The following BABAM2 variants were observed in gnomAD, a reference collection of about 807,000 sequenced individuals.
BABAM2 encodes BRISC and BRCA1-A complex member 2.
Under a neutral mutation model 54.7 loss-of-function variants are expected in BABAM2, and 31 were observed. The ratio of observed to expected loss-of-function variants is 0.57; its 90% CI spans 0.43 to 0.77. The LOEUF (loss-of-function observed/expected upper bound fraction) is 0.77. Ranked by LOEUF, BABAM2 falls within the 30% of genes least tolerant of loss-of-function variation. BABAM2 has a pLI of 0.00. For missense variants in BABAM2, 364 were observed against 455.8 expected, an observed-to-expected ratio of 0.80 and a Z score of 1.83; for synonymous variants, 167 against 162.9, an observed-to-expected ratio of 1.03 and a Z score of -0.19.
chr2:28,328,620 T>C (rs1261185098), intron 11 of BABAM2, among the ~76,000 whole-genome samples: 1 of 152,214 alleles, frequency 6.6e-6, no homozygotes, highest in African/African-American at 2.4e-5. Context: ...TGTTAGGCTC[T>C]TGCCAAATAA....
intron 6 of BABAM2, among the ~76,000 whole-genome samples, chr2:28,075,579 CGTGT>C (rs1296106301): frequency 6.9e-6 from 1 of 144,208 alleles, no homozygotes; most frequent in Non-Finnish European, 1.5e-5. Context: ...TGTGTGTGTG[CGTGT>C]GTGTGTGCAT....
At chr2:28,229,368 A>G (rs1292291017) in intron 7 of BABAM2, among the ~76,000 whole-genome samples, 1 of 152,192 alleles carries the variant, frequency 6.6e-6, no homozygotes, top group Admixed American at 6.5e-5. Flanking sequence ...TCATAGGTTG[A>G]TATGAAGAAT....
intron 7 of BABAM2, among the ~76,000 whole-genome samples, chr2:28,151,735 A>C (rs1167618347): frequency 6.6e-6 from 1 of 152,208 alleles, no homozygotes; most frequent in African/African-American, 2.4e-5. Flanking sequence ...CTTTGATAAC[A>C]TTTGGTCCCT....
At chr2:28,268,321 G>T (rs1685153352) in intron 10 of BABAM2, among the ~76,000 whole-genome samples, 1 of 152,114 alleles carries the variant, frequency 6.6e-6, no homozygotes, top group African/African-American at 2.4e-5. Flanking sequence ...AAAAATGAAG[G>T]AGTGATAAAC....
At chr2:28,292,833 A>G (rs1049445505) in intron 10 of BABAM2, among the ~76,000 whole-genome samples, 1 of 152,224 alleles carries the variant, frequency 6.6e-6, no homozygotes, top group African/African-American at 2.4e-5. Flanking sequence ...AGTGATATCC[A>G]GCACTGTCAG....
intron 11 of BABAM2, among the ~76,000 whole-genome samples, chr2:28,333,309 C>T (rs1691125781): frequency 6.6e-6 from 1 of 152,174 alleles, no homozygotes; most frequent in East Asian, 1.9e-4. Context: ...GTCCGCCTGG[C>T]TCCAGAGCCT....
intron 2 of BABAM2, 97 bp from the exon 3 acceptor site, chr2:27,929,735 A>T: frequency 9.1e-7 from 1 of 1,100,638 alleles, no homozygotes; most frequent in Non-Finnish European, 1.3e-6. Flanking sequence ...TCTGTTTTGT[A>T]TAAAGATCCT....
At chr2:27,976,438 A>G (rs1671609885) in intron 3 of BABAM2, among the ~76,000 whole-genome samples, 2 of 152,160 alleles carry the variant, frequency 1.3e-5, no homozygotes, top group Non-Finnish European at 2.9e-5. Context: ...ATGCTAAGTG[A>G]AAGAAGAAGC....
chr2:28,307,751 A>G (rs1688687770), intron 11 of BABAM2: 1 of 152,224 alleles, frequency 6.6e-6, no homozygotes, highest in Non-Finnish European at 1.5e-5. Context: ...AAAAAAAGAA[A>G]AATTACCTTC....
chr2:28,250,584 C>CTTTTTTTTTTTTTTTTTTTT (rs34597279), intron 10 of BABAM2, among the ~76,000 whole-genome samples: 4 of 137,016 alleles, frequency 2.9e-5, no homozygotes, highest in African/African-American at 5.3e-5. Flanking sequence ...ATATTTTTTT[C>CTTTTTTTTTTTTTTTTTTTT]TTTTTTTTTT....
At chr2:28,313,664 C>A (rs559469576) in intron 11 of BABAM2, among the ~76,000 whole-genome samples, 1 of 152,266 alleles carries the variant, frequency 6.6e-6, no homozygotes, top group African/African-American at 2.4e-5. Flanking sequence ...CTAGTTGATC[C>A]AGAAGCAACT....
intron 4 of BABAM2, among the ~76,000 whole-genome samples, chr2:28,001,975 T>C (rs1048914525): frequency 4.0e-5 from 6 of 150,416 alleles, no homozygotes; most frequent in Non-Finnish European, 7.4e-5. Flanking sequence ...GAAGAAGAAA[T>C]TACTTCAGGA....
chr2:28,334,844 TCTC>T (rs898874665), intron 11 of BABAM2, among the ~76,000 whole-genome samples: 15 of 152,100 alleles, frequency 9.9e-5, no homozygotes, highest in Middle Eastern at 6.3e-3. Context: ...GCCCAGGGCT[TCTC>T]CTGCCCTGCC....
intron 10 of BABAM2, among the ~76,000 whole-genome samples, chr2:28,282,678 T>C (rs1458541036): frequency 6.6e-6 from 1 of 152,144 alleles, no homozygotes; most frequent in Non-Finnish European, 1.5e-5. Context: ...CAATAAATGC[T>C]GATTTTCCTC....
chr2:28,314,226 A>G (rs1256989481), intron 11 of BABAM2, among the ~76,000 whole-genome samples: 1 of 152,206 alleles, frequency 6.6e-6, no homozygotes, highest in Non-Finnish European at 1.5e-5. Flanking sequence ...AATTTCTGTA[A>G]TTCTCGTAAC....
chr2:28,258,615 C>CTTTTTTTTTTTTTTTTTTT lies in BABAM2; in HGVS notation c.934+13769_934+13770insTTTTTTTTTTTTTTTTTTT, dbSNP rs70956008. Among the ~76,000 whole-genome samples the CTTTTTTTTTTTTTTTTTTT allele has an allele frequency of 6.6e-3, 663 of 99,876 alleles. 9 individuals are homozygous for CTTTTTTTTTTTTTTTTTTT. The highest frequency in any genetic ancestry group is 0.013 in the East Asian group (42 of 3,324). The allele number at this position is 99,876 out of a possible 152,430, so 65.5% of individuals were successfully genotyped here. A position where few individuals can be genotyped will look rare whatever the true frequency, so the allele number is the denominator to read the frequency against. ...CTTAAGTCTTTTTCTTTTTTCTTTT[C>CTTTTTTTTTTTTTTTTTTT]TTTTTTTTTTTTTTTTGAGACAGGA... On this transcript the variant is annotated intron_variant, in intron 10 of 11. Transcript: ENST00000379624.
chr2:28,222,194 T>C (rs1680479935), intron 7 of BABAM2, among the ~76,000 whole-genome samples: 2 of 152,004 alleles, frequency 1.3e-5, no homozygotes, highest in Non-Finnish European at 2.9e-5. Flanking sequence ...CTACACAGGG[T>C]TCTGTGGAAG....
At chr2:28,244,947 C>A in intron 10 of BABAM2, 85 bp downstream of exon 10, 1 of 1,151,682 alleles carries the variant, frequency 8.7e-7, no homozygotes, top group South Asian at 1.4e-5. Context: ...AGAACCTTTT[C>A]TGTCCTGTCT....
chr2:27,959,663 G>A (rs962945555), intron 3 of BABAM2, among the ~76,000 whole-genome samples: 2 of 151,820 alleles, frequency 1.3e-5, no homozygotes, highest in Non-Finnish European at 2.9e-5. Flanking sequence ...TAGATAACTC[G>A]CTGTCACAGA....
Sources: gnomAD v4.1 joint callset for allele counts (sites outside exome capture counted in the v4.1 genomes callset) on GRCh38, gnomAD v4.1.1 for gene constraint, MANE v1.5 for transcripts, NCBI Gene and HGNC (gene_info 2026-07-23, HGNC 2026-07-21) for gene names.